The following HYLS1 variants were observed in gnomAD, a reference collection of about 807,000 sequenced individuals.
HYLS1 encodes centriolar and ciliogenesis-associated protein HYLS1.
Under a neutral mutation model 29.4 loss-of-function variants are expected in HYLS1, and 25 were observed. The observed-to-expected ratio is 0.85, with a 90% confidence interval of 0.62 to 1.19. HYLS1 has a LOEUF of 1.19. HYLS1 is among the 50% of genes most tolerant of loss of function. HYLS1 has a pLI of 0.00. For synonymous variants in HYLS1, 128 were observed against 126.7 expected (o/e 1.01, Z -0.07); for missense variants, 352 against 365.1 (o/e 0.96, Z 0.29).
chr11:125,895,918 C>CA, intron 2 of HYLS1: 1 of 1,612,772 alleles, frequency 6.2e-7, no homozygotes, highest in Non-Finnish European at 8.5e-7. Context: ...TGTCCAAAGG[C>CA]ACTAACTCCT....
chr11:125,888,802 A>T (rs957021075), intron 1 of HYLS1, among the ~76,000 whole-genome samples: 2 of 151,896 alleles, frequency 1.3e-5, no homozygotes, highest in African/African-American at 4.8e-5. Context: ...AAAGAAAAAC[A>T]TAAATCAGAA....
intron 2 of HYLS1, chr11:125,895,816 T>C (rs1944566349): frequency 1.3e-6 from 2 of 1,581,364 alleles, no homozygotes; most frequent in Non-Finnish European, 1.7e-6. Context: ...AGATACTGGG[T>C]TTTAGAGACA....
chr11:125,894,009 T>A, intron 2 of HYLS1: 1 of 1,614,198 alleles, frequency 6.2e-7, no homozygotes, highest in Non-Finnish European at 8.5e-7. Context: ...TATGTGCGCA[T>A]CTTCACTCCT....
chr11:125,891,716 A>G (rs1235511353), intron 2 of HYLS1, among the ~76,000 whole-genome samples: 2 of 152,200 alleles, frequency 1.3e-5, no homozygotes, highest in African/African-American at 4.8e-5. Flanking sequence ...AATAAATCTT[A>G]AGTAATTTGT....
In HYLS1 at chr11:125,887,705, C is replaced by G. The variant is rs768809405; in HGVS notation, c.-136C>G. 3 of 152,426 alleles carry G rather than the reference C, an allele frequency of 2.0e-5. No individual in the cohort carries two copies. In the East Asian group the frequency reaches 5.8e-4, roughly 29 times the overall value. 9.4% of individuals were successfully genotyped at this position (152,426 alleles called of 1,614,324 possible). ...CAAGTTACGCGAAAGCTAACAGAAT[C>G]TGCGGTGCTCTGCTGGCGACTGGCA... is the stretch of plus-strand genomic sequence containing the variant. On this transcript the variant is annotated 5_prime_UTR_variant, in exon 1 of 3. In the 5' UTR this introduces an upstream ATG that the reference lacks. Transcript: ENST00000425380.
intron 1 of HYLS1, among the ~76,000 whole-genome samples, chr11:125,889,375 G>T (rs1944368899): frequency 6.6e-6 from 1 of 152,074 alleles, no homozygotes; most frequent in African/African-American, 2.4e-5. Flanking sequence ...TTATGTCCTT[G>T]GAATAAATTC....
At position 125,897,551 on chromosome 11, in the gene HYLS1, A is replaced by C. The variant is rs182021112; in HGVS notation, c.-25-1793A>C. 4.9e-3 allele frequency among the ~76,000 whole-genome samples: 742 copies of C among 151,532 alleles called. 4 individuals are homozygous for C. Among genetic ancestry groups the C allele is most frequent in the Non-Finnish European group, 7.2e-3 (492 of 67,902 alleles). ...AAAAAAAAAAATCCAGCAACCTGAG[A>C]GTCAAATGGGCAAAGACCAAGCATT... is the stretch of plus-strand genomic sequence containing the variant. On this transcript the variant is annotated intron_variant, in intron 2 of 2. Coordinates refer to ENST00000425380, the MANE Select transcript of HYLS1 (RefSeq NM_001134793.2).
At chr11:125,896,968 T>C (rs955455586) in intron 2 of HYLS1, among the ~76,000 whole-genome samples, 9 of 152,348 alleles carry the variant, frequency 5.9e-5, no homozygotes, top group African/African-American at 1.9e-4. Context: ...GACCCCTTTC[T>C]AAAGCTGAAT....
chr11:125,899,240 C>A (rs1292571155), intron 2 of HYLS1, 104 bp from the exon 3 acceptor site: 3 of 763,376 alleles, frequency 3.9e-6, no homozygotes, highest in Non-Finnish European at 4.3e-6. Flanking sequence ...ATGGCCTTAG[C>A]CATTCTTTCT....
At chr11:125,891,301 C>G (rs1459276928) in intron 1 of HYLS1, 122 bp from the exon 2 acceptor site, 1 of 151,832 alleles carries the variant, frequency 6.6e-6, no homozygotes, top group Non-Finnish European at 1.5e-5. Context: ...GATCTAAGAC[C>G]CTGATCTTCT....
At chr11:125,889,443 C>G (rs1388276359) in intron 1 of HYLS1, among the ~76,000 whole-genome samples, 2 of 152,052 alleles carry the variant, frequency 1.3e-5, no homozygotes, top group Non-Finnish European at 2.9e-5. Context: ...ATTCAAAATG[C>G]CAAACTGGGC....
intron 2 of HYLS1, among the ~76,000 whole-genome samples, chr11:125,893,026 C>T (rs1355808558): frequency 6.6e-6 from 1 of 152,184 alleles, no homozygotes; most frequent in African/African-American, 2.4e-5. Context: ...GTTCTTTATC[C>T]TCATTTTAAC....
At chr11:125,888,221 C>G (rs1041486470) in intron 1 of HYLS1, 1 of 152,292 alleles carries the variant, frequency 6.6e-6, no homozygotes, top group African/African-American at 2.4e-5. Flanking sequence ...CGCCTTCTAG[C>G]TGCACCTTTT....
At position 125,899,414 on chromosome 11, in the gene HYLS1, C is replaced by A. The variant is rs546930103; in HGVS notation, c.46C>A (p.Pro16Thr). Reference protein sequence around the residue: ...PDGQIWANMDPEERMLAAATA... With the variant: ...PDGQIWANMDTEERMLAAATA... ...TGGACAAATATGGGCTAATATGGAT[C>A]CAGAAGAACGAATGTTGGCAGCTGC... The change falls in exon 3 of 3, where the codon CCA becomes ACA. Residue 16 changes from proline (P) to threonine (T), a missense_variant. Transcript: ENST00000425380. 6.2e-7 allele frequency: 1 copy of A among 1,614,006 alleles called. No individual in the cohort carries two copies. The highest frequency in any genetic ancestry group is 2.2e-5 in the East Asian group (1 of 44,866).
chr11:125,886,318 G>C (rs144332447), upstream of HYLS1, among the ~76,000 whole-genome samples: 3 of 152,168 alleles, frequency 2.0e-5, no homozygotes, highest in African/African-American at 4.8e-5. Context: ...GGCAAAGAGG[G>C]AGAGTAAGAG....
chr11:125,899,568 A>G lies in HYLS1; in HGVS notation c.200A>G (p.Gln67Arg), dbSNP rs1944696406. Reference protein sequence around the residue: ...APGKRPALPVQLQYPHVESNV... With the variant: ...APGKRPALPVRLQYPHVESNV... ...GGGAAGCGACCTGCTCTTCCTGTGC[A>G]ACTACAGTACCCACATGTAGAAAGT... The change falls in exon 3 of 3, where the codon CAA becomes CGA. Residue 67 changes from glutamine to arginine, a missense_variant. Coordinates refer to ENST00000425380, the MANE Select transcript of HYLS1 (RefSeq NM_001134793.2). 7 of 1,614,140 alleles carry G rather than the reference A, an allele frequency of 4.3e-6. No homozygotes were observed. The highest frequency in any genetic ancestry group is 5.9e-6 in the Non-Finnish European group (7 of 1,179,968).
At position 125,895,156 on chromosome 11, in the gene HYLS1, T is replaced by C. The variant is rs1944540331; in HGVS notation, c.-26+3684T>C. The C allele has an allele frequency of 1.2e-5, 16 of 1,312,074 alleles. No individual in the cohort carries two copies. In the South Asian group the frequency reaches 2.4e-4, roughly 19 times the overall value. The allele number at this position is 1,312,074 out of a possible 1,614,324, so 81.3% of individuals were successfully genotyped here. On this transcript the variant is annotated intron_variant, in intron 2 of 2. Transcript: ENST00000425380. ...CCGCCTCCTGGCTTCAAGCAATTCT[T>C]GTGCCTCAAGCGTCCCGAGTAGCTG...
At chr11:125,887,061 C>T (rs555980912), upstream of HYLS1, 2 of 152,702 alleles carry the variant, frequency 1.3e-5, no homozygotes, top group South Asian at 4.1e-4. Context: ...TGTGGAGACG[C>T]AGCCACGGGT....
intron 2 of HYLS1, chr11:125,896,160 C>T (rs774310206): frequency 5.0e-6 from 8 of 1,614,208 alleles, no homozygotes; most frequent in Non-Finnish European, 4.2e-6. Flanking sequence ...TGAATTTTCT[C>T]TAATGTTTGA....
Sources: allele counts gnomAD v4.1 joint callset (sites outside exome capture counted in the v4.1 genomes callset), GRCh38; gene constraint gnomAD v4.1.1; transcripts MANE v1.5; gene names NCBI Gene and HGNC (gene_info 2026-07-23, HGNC 2026-07-21).